GRID2: variants seen among roughly 807,000 people sequenced by gnomAD.
GRID2 encodes the protein glutamate ionotropic receptor delta type subunit 2.
A neutral mutation model predicts 114.8 loss-of-function variants in GRID2; 33 were observed. The observed-to-expected ratio is 0.29, with a 90% CI of 0.22 to 0.38. GRID2 has a LOEUF of 0.38. Ranked by LOEUF, GRID2 falls within the 10% of genes least tolerant of loss-of-function variation. GRID2 has a pLI of 1.00. For missense variants in GRID2, 1,184 were observed against 1,257.7 expected (o/e 0.94, Z 0.89); for synonymous variants, 505 against 449.9 (o/e 1.12, Z -1.55).
At chr4:93,687,841 TA>T (rs1726208819) in intron 14 of GRID2, among the ~76,000 whole-genome samples, 1 of 151,878 alleles carries the variant, frequency 6.6e-6, no homozygotes, top group Non-Finnish European at 1.5e-5. Flanking sequence ...GAATCAAAGC[TA>T]AGTTTTAAGA....
intron 8 of GRID2, among the ~76,000 whole-genome samples, chr4:93,317,884 CACTA>C (rs1209049551): frequency 6.7e-6 from 1 of 150,184 alleles, no homozygotes; most frequent in Admixed American, 6.7e-5. Flanking sequence ...AATTTTCTCT[CACTA>C]AATAAATATA....
chr4:93,012,191 T>G (rs966518111), intron 2 of GRID2, among the ~76,000 whole-genome samples: 1 of 152,006 alleles, frequency 6.6e-6, no homozygotes, highest in Admixed American at 6.6e-5. Flanking sequence ...TTCTTCCAAT[T>G]TTTTCATTCT....
intron 2 of GRID2, among the ~76,000 whole-genome samples, chr4:92,792,959 A>G (rs1024597877): frequency 6.6e-6 from 1 of 151,070 alleles, no homozygotes. Flanking sequence ...CTTGTTGGTA[A>G]ATCTAGTATC....
chr4:93,080,678 T>C (rs987685627), intron 2 of GRID2, among the ~76,000 whole-genome samples: 1 of 152,314 alleles, frequency 6.6e-6, no homozygotes, highest in Middle Eastern at 3.4e-3. Flanking sequence ...GAACCTGTCA[T>C]ATACATTCTC....
intron 4 of GRID2, among the ~76,000 whole-genome samples, chr4:93,166,788 G>T (rs1738290607): frequency 6.6e-6 from 1 of 152,078 alleles, no homozygotes; most frequent in Non-Finnish European, 1.5e-5. Context: ...TTTCTTGTCT[G>T]TCTCCTTGAA....
chr4:92,384,507 ATATATAATAT>A (rs1233768575), intron 1 of GRID2, among the ~76,000 whole-genome samples: 15 of 33,586 alleles, frequency 4.5e-4, no homozygotes, highest in South Asian at 1.6e-3. Context: ...AATATATATT[ATATATAATAT>A]TATATAATAT....
At chr4:92,602,550 A>G (rs1729266832) in intron 2 of GRID2, among the ~76,000 whole-genome samples, 1 of 152,148 alleles carries the variant, frequency 6.6e-6, no homozygotes, top group East Asian at 1.9e-4. Flanking sequence ...AATGGAACAT[A>G]CCTCAAAATA....
intron 4 of GRID2, among the ~76,000 whole-genome samples, chr4:93,143,897 T>C (rs1374693009): frequency 6.6e-6 from 1 of 152,176 alleles, no homozygotes; most frequent in Admixed American, 6.5e-5. Context: ...TTTTTTTCTA[T>C]ATAGATTTTA....
chr4:93,108,482 T>C (rs567299712), intron 3 of GRID2, among the ~76,000 whole-genome samples: 5 of 152,296 alleles, frequency 3.3e-5, no homozygotes, highest in African/African-American at 1.2e-4. Flanking sequence ...CTAGTCATGC[T>C]CTGTTTTCTG....
intron 4 of GRID2, among the ~76,000 whole-genome samples, chr4:93,171,697 G>T (rs1738838617): frequency 6.6e-6 from 1 of 152,058 alleles, no homozygotes; most frequent in African/African-American, 2.4e-5. Flanking sequence ...GGATGTCATG[G>T]AAAGAGAAAA....
chr4:92,554,434 T>C (rs900506550), intron 1 of GRID2, among the ~76,000 whole-genome samples: 5 of 152,172 alleles, frequency 3.3e-5, no homozygotes, highest in East Asian at 1.9e-4. Flanking sequence ...CTGAAGACCA[T>C]TTTTTTCAAA....
At chr4:93,507,927 A>T (rs2149482062) in intron 12 of GRID2, among the ~76,000 whole-genome samples, 1 of 152,246 alleles carries the variant, frequency 6.6e-6, no homozygotes, top group African/African-American at 2.4e-5. Context: ...TTACAGAGGA[A>T]ATTGCCAAAT....
chr4:93,482,708 A>T (rs867104317), intron 11 of GRID2, among the ~76,000 whole-genome samples: 22 of 152,136 alleles, frequency 1.4e-4, no homozygotes, highest in Middle Eastern at 3.4e-3. Context: ...TAATAAATAA[A>T]TAAATAAATA....
chr4:93,132,287 G>A (rs1374635644), intron 4 of GRID2, among the ~76,000 whole-genome samples: 1 of 152,030 alleles, frequency 6.6e-6, no homozygotes, highest in Admixed American at 6.6e-5. Context: ...TTTCACTTAG[G>A]CAAAAAGTAG....
At chr4:93,321,739 T>C (rs879864687) in intron 8 of GRID2, among the ~76,000 whole-genome samples, 15 of 151,968 alleles carry the variant, frequency 9.9e-5, no homozygotes, top group Non-Finnish European at 1.6e-4. Context: ...TCTAAATATC[T>C]TTCAGATGGA....
chr4:93,160,628 G>A (rs939058673), intron 4 of GRID2, among the ~76,000 whole-genome samples: 2 of 151,748 alleles, frequency 1.3e-5, no homozygotes, highest in African/African-American at 4.8e-5. Context: ...AATCTCCTTA[G>A]GAAGATCCCA....
intron 13 of GRID2, among the ~76,000 whole-genome samples, chr4:93,518,766 G>C (rs1220170421): frequency 6.6e-6 from 1 of 152,102 alleles, no homozygotes; most frequent in Non-Finnish European, 1.5e-5. Flanking sequence ...AAGCAGGTTG[G>C]AGAGGGGAGA....
intron 1 of GRID2, among the ~76,000 whole-genome samples, chr4:92,476,456 A>T (rs1722319084): frequency 6.6e-6 from 1 of 152,226 alleles, no homozygotes; most frequent in Admixed American, 6.5e-5. Flanking sequence ...TGTGGCACAC[A>T]GGGTGAGGTT....
At chr4:93,632,891 G>C (rs1257154417) in intron 14 of GRID2, among the ~76,000 whole-genome samples, 12 of 151,986 alleles carry the variant, frequency 7.9e-5, no homozygotes, top group African/African-American at 2.7e-4. Context: ...CTTTTATTTT[G>C]TTGAGCAGTA....
Sources: allele counts gnomAD v4.1 joint callset (sites outside exome capture counted in the v4.1 genomes callset), GRCh38; gene constraint gnomAD v4.1.1; transcripts MANE v1.5; gene names NCBI Gene and HGNC (gene_info 2026-07-23, HGNC 2026-07-21).